Variants in OPHN1 observed in about 807,000 individuals in gnomAD.
OPHN1 encodes oligophrenin 1, also known as oligophrenin-1.
In OPHN1, 11 loss-of-function variants were observed where a neutral mutation model predicts 60.7. The observed-to-expected ratio is 0.18, with a 90% CI of 0.11 to 0.30. OPHN1 has a LOEUF of 0.30. OPHN1 is among the 10% of genes least tolerant of loss of function. The pLI, the probability that OPHN1 is intolerant of heterozygous loss-of-function variation, is 1.00. For missense variants in OPHN1, 449 were observed against 611.0 expected (o/e 0.73, Z 2.80); for synonymous variants, 226 against 222.6 (o/e 1.02, Z -0.14).
At chrX:68,163,456 GTGTATA>G (rs1346083500) in intron 15 of OPHN1, among the ~76,000 whole-genome samples, 5,188 of 91,950 alleles carry the variant, frequency 0.056, 324 homozygotes, top group African/African-American at 0.2. Context: ...GTGTGTGTGT[GTGTATA>G]TATACCACAA....
chrX:68,083,445 C>T (rs2076983168), intron 19 of OPHN1, among the ~76,000 whole-genome samples: 1 of 111,979 alleles, frequency 8.9e-6, no homozygotes, highest in Non-Finnish European at 1.9e-5. Flanking sequence ...TGAAGAGTTA[C>T]AACCTTCCTG....
chrX:68,385,688 T>G (rs1364620838), intron 2 of OPHN1, among the ~76,000 whole-genome samples: 1 of 112,448 alleles, frequency 8.9e-6, no homozygotes, highest in African/African-American at 3.2e-5. Context: ...GCAATAAGCC[T>G]TACAACTTAA....
At chrX:68,134,411 G>A (rs2077210702) in intron 15 of OPHN1, among the ~76,000 whole-genome samples, 1 of 111,525 alleles carries the variant, frequency 9.0e-6, no homozygotes, top group African/African-American at 3.3e-5. Flanking sequence ...CTACAAATGT[G>A]TGGTGAGAAA....
intron 2 of OPHN1, among the ~76,000 whole-genome samples, chrX:68,345,583 G>A (rs1170922769): frequency 3.6e-5 from 4 of 111,391 alleles, no homozygotes; most frequent in Non-Finnish European, 5.6e-5. Flanking sequence ...TGTATCAGCC[G>A]GGGAGCTCAT....
chrX:68,100,656 C>A (rs1490208951), intron 18 of OPHN1, among the ~76,000 whole-genome samples: 2 of 111,556 alleles, frequency 1.8e-5, no homozygotes, highest in African/African-American at 3.3e-5. Flanking sequence ...AAGGAAAAGA[C>A]AATAGTGAAG....
chrX:68,342,379 T>A (rs915446225), intron 2 of OPHN1, among the ~76,000 whole-genome samples: 3 of 111,584 alleles, frequency 2.7e-5, no homozygotes, highest in African/African-American at 6.5e-5. Context: ...ATTTGAGACT[T>A]GCTTCAAAAT....
Position 68,044,099 on chromosome X carries a change from C to A in OPHN1, c.*3073G>T. ...GTGCAAGCTGAATATGAAGAGAAAGCCTAACTCAGGAATATCTTCCAGCCC... is the reference window on the plus strand; with the variant it reads ...GTGCAAGCTGAATATGAAGAGAAAGACTAACTCAGGAATATCTTCCAGCCC... On this transcript the variant is annotated 3_prime_UTR_variant, in exon 25 of 25. Coordinates refer to ENST00000355520, the MANE Select transcript of OPHN1 (RefSeq NM_002547.3). 8.9e-6 allele frequency: 1 copy of A among 112,664 alleles called. No homozygotes were observed. 9.3% of individuals were successfully genotyped at this position (112,664 alleles called of 1,213,427 possible). A position where few individuals can be genotyped will look rare whatever the true frequency, so the allele number is the denominator to read the frequency against.
intron 15 of OPHN1, among the ~76,000 whole-genome samples, chrX:68,154,861 CCACACACACACACACACA>C (rs60627495): frequency 1.1e-5 from 1 of 94,324 alleles, no homozygotes; most frequent in African/African-American, 3.8e-5. Flanking sequence ...ATAGTACACA[CCACACACACACACACACA>C]CACACACACA....
intron 16 of OPHN1, among the ~76,000 whole-genome samples, chrX:68,117,712 A>G (rs1380929280): frequency 9.0e-6 from 1 of 111,654 alleles, no homozygotes; most frequent in Non-Finnish European, 1.9e-5. Context: ...CCTAGAACAG[A>G]GTGTGGAGAC....
At chrX:68,356,811 T>A (rs12836156) in intron 2 of OPHN1, among the ~76,000 whole-genome samples, 3,482 of 111,132 alleles carry the variant, frequency 0.031, 84 homozygotes, top group African/African-American at 0.08. Context: ...AATGCAGAGA[T>A]TTTTTAAAAC....
At position 68,101,181 on chromosome X, in the gene OPHN1, T is replaced by C. The variant is rs760019835; in HGVS notation, c.1527-4152A>G. On this transcript the variant is annotated intron_variant, in intron 18 of 24. Transcript: ENST00000355520. ...TCATCAGTCATCAGTTACGAGCACA[T>C]TATTTATGTACCACTAAGAAAGAAA... 3.8e-4 allele frequency among the ~76,000 whole-genome samples: 43 copies of C among 112,475 alleles called. No homozygotes were observed. In the South Asian group the frequency reaches 0.016, roughly 42 times the overall value.
intron 2 of OPHN1, among the ~76,000 whole-genome samples, chrX:68,431,583 ATT>A: frequency 1.1e-5 from 1 of 93,569 alleles, no homozygotes; most frequent in African/African-American, 3.8e-5. Flanking sequence ...TGCCCAGCTA[ATT>A]TTTTTTTTTT....
chrX:68,358,534 A>G (rs780862699), intron 2 of OPHN1, among the ~76,000 whole-genome samples: 6 of 111,616 alleles, frequency 5.4e-5, no homozygotes, highest in Non-Finnish European at 1.1e-4. Context: ...CTTGAGGTCC[A>G]TTTGATTCTT....
chrX:68,270,601 AG>A (rs1255229809), intron 5 of OPHN1, among the ~76,000 whole-genome samples: 2 of 40,582 alleles, frequency 4.9e-5, no homozygotes, highest in Non-Finnish European at 8.6e-5. Flanking sequence ...GGGTGGGGGG[AG>A]GGGGGAGGGA....
intron 3 of OPHN1, among the ~76,000 whole-genome samples, chrX:68,283,369 A>C (rs1708380237): frequency 8.9e-6 from 1 of 111,766 alleles, no homozygotes; most frequent in Admixed American, 9.5e-5. Flanking sequence ...AGGAGTAGCT[A>C]GAATTTCTCT....
chrX:68,396,263 T>A (rs1325223333), intron 2 of OPHN1, among the ~76,000 whole-genome samples: 3 of 97,366 alleles, frequency 3.1e-5, no homozygotes, highest in Non-Finnish European at 6.2e-5. Flanking sequence ...TGAGGCTGTC[T>A]CTACAAAAAA....
At chrX:68,119,459 A>C in intron 15 of OPHN1, 127 bp from the exon 16 acceptor site, 1 of 497,438 alleles carries the variant, frequency 2.0e-6, no homozygotes, top group Admixed American at 3.3e-5. Flanking sequence ...CTTTAGAAGA[A>C]GCAAATCTTT....
At chrX:68,321,876 C>T (rs2078237046) in intron 2 of OPHN1, among the ~76,000 whole-genome samples, 1 of 109,970 alleles carries the variant, frequency 9.1e-6, no homozygotes, top group South Asian at 3.9e-4. Flanking sequence ...TGCAGTGACC[C>T]AATATCGCAC....
intron 6 of OPHN1, among the ~76,000 whole-genome samples, chrX:68,218,861 A>G (rs2077633685): frequency 1.1e-5 from 1 of 94,187 alleles, no homozygotes; most frequent in Non-Finnish European, 2.1e-5. Context: ...CTAGGAAGAA[A>G]CTCCATCAAC....
Sources: allele counts gnomAD v4.1 joint callset (sites outside exome capture counted in the v4.1 genomes callset), GRCh38; gene constraint gnomAD v4.1.1; transcripts MANE v1.5; gene names NCBI Gene and HGNC (gene_info 2026-07-23, HGNC 2026-07-21).